TAF8: variants seen among roughly 807,000 people sequenced by gnomAD.
TAF8 encodes transcription initiation factor TFIID subunit 8.
TAF8 carries 47 observed loss-of-function variants against 36.5 expected under a neutral mutation model. The observed-to-expected ratio is 1.29, with a 90% CI of 1.02 to 1.64. TAF8 has a LOEUF of 1.64. Among genes scored for constraint, TAF8 ranks in the 40% most tolerant of loss-of-function variants. TAF8 has a pLI of 0.00. For synonymous variants in TAF8, 175 were observed against 159.5 expected (o/e 1.10, Z -0.73); for missense variants, 420 against 407.6 (o/e 1.03, Z -0.26).
intron 6 of TAF8, among the ~76,000 whole-genome samples, 154 bp downstream of exon 6, chr6:42,066,613 T>TA (rs1010390936): frequency 1.1e-4 from 16 of 152,176 alleles, no homozygotes; most frequent in Non-Finnish European, 2.2e-4. Context: ...CCCCAGGTCT[T>TA]AAGAGTCTGT....
chr6:42,055,596 C>T lies in TAF8; in HGVS notation c.268C>T (p.Leu90=). The T allele has an allele frequency of 6.2e-7, 1 of 1,614,200 alleles. No individual in the cohort carries two copies. Among genetic ancestry groups the T allele is most frequent in the Non-Finnish European group, 8.5e-7 (1 of 1,180,020 alleles). Residue 90 remains leucine, a synonymous_variant, in exon 3 of 9, where the codon CTG becomes TTG. Transcript: ENST00000372977. Reference sequence around the variant, plus strand: ...GCACACAGCCAGGACCCAGCCCACACTGTCCGATATCGTGGTCACACTTGT... The same window carrying T: ...GCACACAGCCAGGACCCAGCCCACATTGTCCGATATCGTGGTCACACTTGT... ...CEHTARTQPT[L]SDIVVTLVEM... is the part of the protein sequence containing the mutation.
chr6:42,077,395 G>C, intron 8 of TAF8, 138 bp from the exon 9 acceptor site: 1 of 1,530,074 alleles, frequency 6.5e-7, no homozygotes, highest in South Asian at 1.2e-5. Flanking sequence ...CTTGGCTCCC[G>C]TACATAGCTC....
In TAF8 at chr6:42,080,924, CTTAAT is replaced by C; in HGVS notation, c.*3382_*3386del. On this transcript the variant is annotated 3_prime_UTR_variant, in exon 9 of 9. Transcript: ENST00000372977. ...AATAAATAGAACTGTAAGCTTTGAA[CTTAAT>C]TTGTGTTCAAAAGTTAACAGCAATG... 1.0e-6 allele frequency: 1 copy of C among 984,992 alleles called. No homozygotes were observed. The highest frequency in any genetic ancestry group is 1.2e-6 in the Non-Finnish European group (1 of 829,628). The allele number at this position is 984,992 out of a possible 1,614,324, so 61.0% of individuals were successfully genotyped here.
At chr6:42,054,806 A>G (rs143588415) in intron 2 of TAF8, among the ~76,000 whole-genome samples, 2,421 of 151,962 alleles carry the variant, frequency 0.016, 60 homozygotes, top group African/African-American at 0.052. Context: ...GGGTTTTGCC[A>G]TGTTGGCCAG....
downstream of TAF8, chr6:42,086,618 A>T: frequency 8.7e-7 from 1 of 1,146,876 alleles, no homozygotes; most frequent in Non-Finnish European, 1.3e-6. Flanking sequence ...GATCTGCGGC[A>T]CCCCCTCTCC....
intron 5 of TAF8, among the ~76,000 whole-genome samples, chr6:42,058,784 G>A (rs1353031090): frequency 5.9e-5 from 9 of 152,184 alleles, no homozygotes; most frequent in Non-Finnish European, 1.3e-4. Flanking sequence ...GAGGCTAGAA[G>A]TCTAAAAGCA....
rs1765034092 is a variant in TAF8 at position 42,057,421 on chromosome 6, GC to G, written c.400del (p.Leu134SerfsTer80). The G allele has an allele frequency of 2.5e-6, 4 of 1,613,978 alleles. No homozygotes were observed. Among genetic ancestry groups the G allele is most frequent in the Non-Finnish European group, 3.4e-6 (4 of 1,179,994 alleles). On this transcript the variant is annotated frameshift_variant, in exon 5 of 9. Transcript: ENST00000372977. LOFTEE classifies it high-confidence loss of function. ...GACCAATCAGCCAGTGACCCCCAAGGCCCTCACTGCAGGGCAGAACCGACCC... is the reference window on the plus strand; with the variant it reads ...GACCAATCAGCCAGTGACCCCCAAGGCCTCACTGCAGGGCAGAACCGACCC... Reference protein sequence around the residue: ...PVTNQPVTPKALTAGQNRPHP... With the variant: ...PVTNQPVTPKXLTAGQNRPHP...
chr6:42,073,862 G>C (rs116438018), intron 7 of TAF8, among the ~76,000 whole-genome samples: 1,845 of 152,286 alleles, frequency 0.012, 37 homozygotes, highest in African/African-American at 0.041. Context: ...TGTCGCTATA[G>C]CCTAGGCGAG....
intron 7 of TAF8, among the ~76,000 whole-genome samples, chr6:42,075,105 A>T (rs1362736449): frequency 6.6e-6 from 1 of 152,112 alleles, no homozygotes; most frequent in Non-Finnish European, 1.5e-5. Flanking sequence ...GCTTCCAGTA[A>T]CTTTGAAGAT....
downstream of TAF8, among the ~76,000 whole-genome samples, chr6:42,084,433 T>C (rs1431179603): frequency 6.6e-6 from 1 of 152,044 alleles, no homozygotes; most frequent in East Asian, 1.9e-4. Flanking sequence ...TATCAACTTA[T>C]TTATTTATTT....
chr6:42,072,938 T>C (rs1392653242), intron 7 of TAF8, among the ~76,000 whole-genome samples: 1 of 151,766 alleles, frequency 6.6e-6, no homozygotes. Flanking sequence ...TTAGCCAGGA[T>C]GGTCTCGATC....
intron 7 of TAF8, among the ~76,000 whole-genome samples, chr6:42,070,635 T>G (rs891333439): frequency 2.0e-5 from 3 of 152,218 alleles, no homozygotes; most frequent in African/African-American, 7.2e-5. Flanking sequence ...TCGTGTGGTG[T>G]TCCTGCAGTA....
At position 42,077,940 on chromosome 6, in the gene TAF8, G is replaced by A; in HGVS notation, c.*395G>A. 1 of 259,242 alleles carries A rather than the reference G, an allele frequency of 3.9e-6. No individual in the cohort carries two copies. The highest frequency in any genetic ancestry group is 6.6e-6 in the Non-Finnish European group (1 of 151,102). The allele number at this position is 259,242 out of a possible 1,614,324, so 16.1% of individuals were successfully genotyped here. The stretch of plus-strand genomic sequence containing the variant: ...CTGGCTAATTTTTGTATTTTGAGTA[G>A]AGATAGGGTTTCGCCATGTTGGCCA... On this transcript the variant is annotated 3_prime_UTR_variant, in exon 9 of 9. Coordinates refer to ENST00000372977, the MANE Select transcript of TAF8 (RefSeq NM_138572.3).
chr6:42,079,743 G>A lies in TAF8; in HGVS notation c.*2198G>A, dbSNP rs375061703. ...TTTTTTTTTTTTTTTTAGTAGACAC[G>A]GGATTTTGCTATGTTGCCCAGGCTG... is the stretch of plus-strand genomic sequence containing the variant. On this transcript the variant is annotated 3_prime_UTR_variant, in exon 9 of 9. Coordinates refer to ENST00000372977, the MANE Select transcript of TAF8 (RefSeq NM_138572.3). The A allele has an allele frequency of 1.4e-3, 893 of 634,042 alleles. 11 individuals carry two copies. The African/African-American group carries it at 0.015, about 11-fold the overall frequency. The allele number at this position is 634,042 out of a possible 1,614,324, so 39.3% of individuals were successfully genotyped here.
intron 5 of TAF8, among the ~76,000 whole-genome samples, chr6:42,059,420 G>A (rs949357048): frequency 6.6e-6 from 1 of 151,906 alleles, no homozygotes; most frequent in African/African-American, 2.4e-5. Context: ...GGGACTCAGA[G>A]CTGTCTTCTT....
At chr6:42,057,296 T>C in intron 4 of TAF8, 93 bp from the exon 5 acceptor site, 1 of 1,566,344 alleles carries the variant, frequency 6.4e-7, no homozygotes. Flanking sequence ...AGGTCTGGCA[T>C]TTTTTTGAGA....
intron 7 of TAF8, among the ~76,000 whole-genome samples, chr6:42,068,873 C>T (rs748922781): frequency 1.3e-5 from 2 of 152,136 alleles, no homozygotes; most frequent in African/African-American, 2.4e-5. Flanking sequence ...AACAAAATTC[C>T]CTGTCCTCAT....
chr6:42,058,986 A>G (rs970994947), intron 5 of TAF8, among the ~76,000 whole-genome samples: 1 of 152,052 alleles, frequency 6.6e-6, no homozygotes, highest in Non-Finnish European at 1.5e-5. Context: ...ATTATTACTC[A>G]AATCAGTCTT....
intron 7 of TAF8, chr6:42,071,428 C>T (rs780293462): frequency 5.2e-5 from 9 of 174,550 alleles, no homozygotes; most frequent in Non-Finnish European, 1.1e-4. Context: ...TGGGTTCAAG[C>T]GATTCTCCAG....
Sources: allele counts gnomAD v4.1 joint callset (sites outside exome capture counted in the v4.1 genomes callset), GRCh38; gene constraint gnomAD v4.1.1; transcripts MANE v1.5; gene names NCBI Gene and HGNC (gene_info 2026-07-23, HGNC 2026-07-21).